The following LDLRAD4 variants were observed in gnomAD, a reference collection of about 807,000 sequenced individuals.
LDLRAD4 encodes low-density lipoprotein receptor class A domain-containing protein 4.
LDLRAD4 carries 5 observed loss-of-function variants against 17.0 expected under a neutral mutation model. The ratio of observed to expected loss-of-function variants is 0.29; its 90% CI spans 0.15 to 0.62. The LOEUF (loss-of-function observed/expected upper bound fraction) is 0.62. LDLRAD4 is among the 20% of genes least tolerant of loss of function. The probability of loss-of-function intolerance (pLI) is 0.84; values close to 1 mark genes in which losing one functional copy is unlikely to be tolerated. For synonymous variants in LDLRAD4, 168 were observed against 171.8 expected, an observed-to-expected ratio of 0.98 and a Z score of 0.17; for missense variants, 340 against 424.7, an observed-to-expected ratio of 0.80 and a Z score of 1.75.
chr18:13,434,290 C>G (rs145813060), intron 2 of LDLRAD4, among the ~76,000 whole-genome samples: 129 of 150,502 alleles, frequency 8.6e-4, no homozygotes, highest in South Asian at 2.3e-3. Flanking sequence ...GAAATTTTGG[C>G]AAAGAGGAAT....
intron 3 of LDLRAD4, among the ~76,000 whole-genome samples, chr18:13,507,193 T>A (rs576198286): frequency 2.0e-5 from 3 of 152,320 alleles, no homozygotes; most frequent in African/African-American, 7.2e-5. Flanking sequence ...CAATAGGTTT[T>A]TTGGGGAACA....
chr18:13,381,690 G>A (rs142772445), intron 1 of LDLRAD4, among the ~76,000 whole-genome samples: 13 of 152,336 alleles, frequency 8.5e-5, no homozygotes, highest in Admixed American at 7.2e-4. Flanking sequence ...ACATGGAGAC[G>A]TGTGACATCT....
chr18:13,272,818 A>G (rs2044641233), intron 1 of LDLRAD4, among the ~76,000 whole-genome samples: 2 of 152,202 alleles, frequency 1.3e-5, no homozygotes, highest in African/African-American at 2.4e-5. Flanking sequence ...TGGGGTTACC[A>G]TGACCGCTAG....
chr18:13,225,394 C>T (rs1241539519), intron 1 of LDLRAD4, among the ~76,000 whole-genome samples: 2 of 152,242 alleles, frequency 1.3e-5, no homozygotes, highest in Non-Finnish European at 2.9e-5. Context: ...ATGCTGACCC[C>T]TATGTAGATA....
intron 3 of LDLRAD4, among the ~76,000 whole-genome samples, chr18:13,529,649 T>A (rs978811423): frequency 6.6e-6 from 1 of 152,232 alleles, no homozygotes; most frequent in African/African-American, 2.4e-5. Context: ...GTTGAGCTGC[T>A]AACCCCTCCA....
chr18:13,516,914 A>C (rs959800140), intron 3 of LDLRAD4, among the ~76,000 whole-genome samples: 6 of 152,168 alleles, frequency 3.9e-5, no homozygotes, highest in African/African-American at 1.2e-4. Flanking sequence ...CAGTGGCACA[A>C]TCCTAGATCA....
At chr18:13,457,233 C>T (rs547740198) in intron 3 of LDLRAD4, among the ~76,000 whole-genome samples, 20 of 152,364 alleles carry the variant, frequency 1.3e-4, no homozygotes, top group African/African-American at 3.6e-4. Flanking sequence ...CTGGGGGGTG[C>T]TCACAGAACT....
chr18:13,457,958 C>T (rs914787465), intron 3 of LDLRAD4, among the ~76,000 whole-genome samples: 12 of 152,268 alleles, frequency 7.9e-5, no homozygotes, highest in Admixed American at 4.6e-4. Flanking sequence ...GTGAACAGGT[C>T]CATGAATGGT....
chr18:13,636,765 G>A (rs1384778887), intron 4 of LDLRAD4, among the ~76,000 whole-genome samples: 1 of 147,982 alleles, frequency 6.8e-6, no homozygotes, highest in African/African-American at 2.5e-5. Context: ...CTGCCAAAAT[G>A]CTGGGATCAC....
At chr18:13,504,554 A>C (rs1484733921) in intron 3 of LDLRAD4, among the ~76,000 whole-genome samples, 4 of 152,116 alleles carry the variant, frequency 2.6e-5, no homozygotes, top group Admixed American at 1.3e-4. Context: ...CAGCCTCCCG[A>C]GTAGCTGGGA....
chr18:13,353,241 T>C (rs1018845518), intron 1 of LDLRAD4, among the ~76,000 whole-genome samples: 7 of 152,202 alleles, frequency 4.6e-5, no homozygotes, highest in African/African-American at 1.7e-4. Context: ...CACTTCCTCC[T>C]GTCTTTCTAG....
intron 2 of LDLRAD4, among the ~76,000 whole-genome samples, chr18:13,412,874 G>T (rs754955834): frequency 2.6e-5 from 4 of 152,318 alleles, no homozygotes; most frequent in Admixed American, 2.0e-4. Flanking sequence ...GCTCCCAGCA[G>T]CTTCTCAAAT....
intron 3 of LDLRAD4, among the ~76,000 whole-genome samples, chr18:13,508,425 G>T (rs1016164959): frequency 6.6e-6 from 1 of 152,226 alleles, no homozygotes; most frequent in African/African-American, 2.4e-5. Context: ...GAGATGCCAT[G>T]TAGGGTTTTC....
chr18:13,589,973 A>C (rs1290366775), intron 3 of LDLRAD4, among the ~76,000 whole-genome samples: 2 of 151,576 alleles, frequency 1.3e-5, no homozygotes, highest in African/African-American at 4.9e-5. Context: ...GTGGGTGTGC[A>C]TGTGTGTGGC....
Position 13,621,021 on chromosome 18 carries a change from C to G in LDLRAD4, c.182-96C>G, listed in dbSNP as rs186451641. On this transcript the variant is annotated intron_variant, in intron 3 of 5. Coordinates refer to ENST00000359446, the Ensembl canonical transcript of LDLRAD4. The surrounding 1 kb of genome is among the most constrained non-coding windows in gnomAD (Gnocchi z 5.5). The stretch of plus-strand genomic sequence containing the variant: ...CTGAGGAACAGACGTGTGTGAGAGG[C>G]CTTCAGGGCCTGATGGCTGGGGTGG... 13 of 1,556,144 alleles carry G rather than the reference C, an allele frequency of 8.4e-6. No individual in the cohort carries two copies. The highest frequency in any genetic ancestry group is 4.5e-5 in the East Asian group (2 of 44,492).
chr18:13,536,288 A>G (rs2094199836), intron 3 of LDLRAD4, among the ~76,000 whole-genome samples: 1 of 152,216 alleles, frequency 6.6e-6, no homozygotes, highest in African/African-American at 2.4e-5. Flanking sequence ...ATATCTCTCC[A>G]TACACTAAGG....
chr18:13,642,930 T>TTG (rs1555781895), intron 4 of LDLRAD4, among the ~76,000 whole-genome samples: 1 of 132,598 alleles, frequency 7.5e-6, no homozygotes, highest in East Asian at 2.0e-4. Flanking sequence ...TATTTTTTGT[T>TTG]TTTTTTTTTT....
chr18:13,612,475 T>C, intron 3 of LDLRAD4: 1 of 1,311,780 alleles, frequency 7.6e-7, no homozygotes, highest in Non-Finnish European at 9.7e-7. Context: ...GCCACAGCAT[T>C]TGAGTCTAGC....
At chr18:13,389,732 A>C (rs2086121508) in intron 2 of LDLRAD4, among the ~76,000 whole-genome samples, 1 of 152,048 alleles carries the variant, frequency 6.6e-6, no homozygotes, top group African/African-American at 2.4e-5. Context: ...CCACTGAGAC[A>C]CCCACGCCAT....
Sources: allele counts gnomAD v4.1 joint callset (sites outside exome capture counted in the v4.1 genomes callset), GRCh38; gene constraint gnomAD v4.1.1; non-coding constraint Gnocchi (gnomAD v3.1); transcripts MANE v1.5; gene names NCBI Gene and HGNC (gene_info 2026-07-23, HGNC 2026-07-21).